Variants in CRIM1 observed in about 807,000 individuals in gnomAD.
CRIM1 encodes cysteine rich transmembrane BMP regulator 1.
A neutral mutation model predicts 116.4 loss-of-function variants in CRIM1; 32 were observed. The observed-to-expected ratio is 0.27, with a 90% CI of 0.21 to 0.37. The LOEUF (loss-of-function observed/expected upper bound fraction) is 0.37, where lower values mean the gene tolerates loss of function less well. Among genes scored for constraint, CRIM1 ranks in the 10% least tolerant of loss-of-function variants. CRIM1 has a pLI of 1.00. For missense variants in CRIM1, 1,331 were observed against 1,354.8 expected, an observed-to-expected ratio of 0.98 and a Z score of 0.28; for synonymous variants, 590 against 509.2, an observed-to-expected ratio of 1.16 and a Z score of -2.13.
At chr2:36,492,078 T>C (rs1680265054) in intron 7 of CRIM1, among the ~76,000 whole-genome samples, 1 of 152,180 alleles carries the variant, frequency 6.6e-6, no homozygotes, top group Non-Finnish European at 1.5e-5. Flanking sequence ...CTATTAAATA[T>C]GTTTTTGGTA....
At position 36,548,741 on chromosome 2, in the gene CRIM1, G is replaced by C. The variant is rs137909490; in HGVS notation, c.*40G>C. 1.3e-6 allele frequency: 2 copies of C among 1,496,534 alleles called. No individual in the cohort carries two copies. The highest frequency in any genetic ancestry group is 1.8e-6 in the Non-Finnish European group (2 of 1,110,690). The allele number at this position is 1,496,534 out of a possible 1,614,324, so 92.7% of individuals were successfully genotyped here. On this transcript the variant is annotated 3_prime_UTR_variant, in exon 17 of 17. Coordinates refer to ENST00000280527, the MANE Select transcript of CRIM1 (RefSeq NM_016441.3). Reference sequence around the variant, plus strand: ...GATGAGGTTTCAAAAGACGGAAGACGACTAAATCTGCTCTAAAAAGTAAAC... The same window carrying C: ...GATGAGGTTTCAAAAGACGGAAGACCACTAAATCTGCTCTAAAAAGTAAAC...
At chr2:36,491,411 G>T (rs555940738) in intron 7 of CRIM1, among the ~76,000 whole-genome samples, 1 of 152,244 alleles carries the variant, frequency 6.6e-6, no homozygotes, top group African/African-American at 2.4e-5. Context: ...CTTCAGTGGA[G>T]CTCATTTATT....
At chr2:36,541,576 C>G (rs711246) in intron 14 of CRIM1, among the ~76,000 whole-genome samples, 12,030 of 152,178 alleles carry the variant, frequency 0.079, 1,022 homozygotes, top group East Asian at 0.25. Flanking sequence ...CACCAAGCAC[C>G]TCGCCCCGTA....
chr2:36,418,492 G>A (rs968368699), intron 2 of CRIM1, among the ~76,000 whole-genome samples: 2 of 152,110 alleles, frequency 1.3e-5, no homozygotes, highest in Non-Finnish European at 2.9e-5. Flanking sequence ...TCACTGTGTT[G>A]CCTGGGCTGG....
chr2:36,546,815 T>A (rs924619855), intron 15 of CRIM1, among the ~76,000 whole-genome samples, 169 bp from the exon 16 acceptor site: 11 of 146,866 alleles, frequency 7.5e-5, no homozygotes, highest in Non-Finnish European at 1.2e-4. Context: ...AGCGCTCTGC[T>A]CTCTACTAAG....
rs1667566350 is a variant in CRIM1 at position 36,549,121 on chromosome 2, G to A, written c.*420G>A. The A allele has an allele frequency of 6.5e-6, 1 of 153,628 alleles. No individual in the cohort carries two copies. Among genetic ancestry groups the A allele is most frequent in the Non-Finnish European group, 1.5e-5 (1 of 68,792 alleles). The allele number at this position is 153,628 out of a possible 1,614,324, so 9.5% of individuals were successfully genotyped here. A position where few individuals can be genotyped will look rare whatever the true frequency, so the allele number is the denominator to read the frequency against. On this transcript the variant is annotated 3_prime_UTR_variant, in exon 17 of 17. Coordinates refer to ENST00000280527, the MANE Select transcript of CRIM1 (RefSeq NM_016441.3). ...GTTATTTTTTTCCTATTGCTCTGAAGACTGCACTGGTTGCTGCAAAGCTCA... is the reference window on the plus strand; with the variant it reads ...GTTATTTTTTTCCTATTGCTCTGAAAACTGCACTGGTTGCTGCAAAGCTCA...
intron 1 of CRIM1, among the ~76,000 whole-genome samples, chr2:36,396,091 G>C (rs1403354182): frequency 6.6e-6 from 1 of 152,026 alleles, no homozygotes; most frequent in African/African-American, 2.4e-5. Context: ...TTTTGTTTTT[G>C]TAGAGACTGG....
chr2:36,405,114 T>G (rs1185630605), intron 2 of CRIM1, among the ~76,000 whole-genome samples: 4 of 152,224 alleles, frequency 2.6e-5, no homozygotes, highest in Non-Finnish European at 5.9e-5. Flanking sequence ...ATCTTTAGTA[T>G]TTAGAAAGAA....
intron 4 of CRIM1, among the ~76,000 whole-genome samples, chr2:36,444,641 TC>T (rs750270900): frequency 1.1e-3 from 171 of 152,320 alleles, no homozygotes; most frequent in Admixed American, 3.1e-3. Context: ...TCATTCAACA[TC>T]CCACTGTAAA....
At chr2:36,448,189 A>G (rs929693478) in intron 4 of CRIM1, among the ~76,000 whole-genome samples, 46 of 152,364 alleles carry the variant, frequency 3.0e-4, no homozygotes, top group African/African-American at 1.0e-3. Flanking sequence ...AACCGGGTCC[A>G]TTTTTAAAAC....
chr2:36,503,587 C>A (rs777740823), intron 8 of CRIM1, among the ~76,000 whole-genome samples: 8 of 151,572 alleles, frequency 5.3e-5, no homozygotes, highest in Non-Finnish European at 8.8e-5. Context: ...TTCCTGCCCT[C>A]TAAGGACACT....
intron 14 of CRIM1, among the ~76,000 whole-genome samples, chr2:36,538,241 G>A (rs1353069186): frequency 6.6e-6 from 1 of 152,048 alleles, no homozygotes; most frequent in Non-Finnish European, 1.5e-5. Context: ...CCTTCTCCTA[G>A]TTTCCATGCC....
chr2:36,441,521 A>C, intron 3 of CRIM1, 21 bp downstream of exon 3: 3 of 1,603,566 alleles, frequency 1.9e-6, no homozygotes, highest in East Asian at 4.5e-5. Context: ...GCTCTGTCTC[A>C]GCAGCCTTGT....
chr2:36,440,273 A>G (rs1228222643), intron 2 of CRIM1, among the ~76,000 whole-genome samples: 3 of 152,144 alleles, frequency 2.0e-5, no homozygotes, highest in East Asian at 3.8e-4. Flanking sequence ...CTACTACCCA[A>G]TTCTGTGTTT....
At chr2:36,397,976 T>C (rs1672148519) in intron 2 of CRIM1, among the ~76,000 whole-genome samples, 1 of 152,184 alleles carries the variant, frequency 6.6e-6, no homozygotes, top group Non-Finnish European at 1.5e-5. Context: ...TGTCACATCA[T>C]GACTTAAACA....
At chr2:36,450,129 G>A (rs1389176373) in intron 4 of CRIM1, among the ~76,000 whole-genome samples, 1 of 152,106 alleles carries the variant, frequency 6.6e-6, no homozygotes, top group Non-Finnish European at 1.5e-5. Flanking sequence ...GCAAGATAAG[G>A]ATTTACTCTG....
chr2:36,448,586 T>C (rs1357468592), intron 4 of CRIM1, among the ~76,000 whole-genome samples: 1 of 152,188 alleles, frequency 6.6e-6, no homozygotes, highest in Non-Finnish European at 1.5e-5. Flanking sequence ...TCACTTTCAC[T>C]GTAAGTCACG....
intron 2 of CRIM1, among the ~76,000 whole-genome samples, chr2:36,404,429 C>T (rs1672636288): frequency 6.6e-6 from 1 of 152,200 alleles, no homozygotes. Flanking sequence ...GGATTATAGT[C>T]ATAGACTCTT....
intron 1 of CRIM1, among the ~76,000 whole-genome samples, chr2:36,372,718 A>C (rs1434519876): frequency 6.6e-6 from 1 of 152,172 alleles, no homozygotes; most frequent in African/African-American, 2.4e-5. Context: ...TGCTCATCTC[A>C]TACCTGATGG....
Sources: allele counts gnomAD v4.1 joint callset (sites outside exome capture counted in the v4.1 genomes callset), GRCh38; gene constraint gnomAD v4.1.1; transcripts MANE v1.5; gene names NCBI Gene and HGNC (gene_info 2026-07-23, HGNC 2026-07-21).